The following RBMS3 variants were observed in gnomAD, a reference collection of about 807,000 sequenced individuals.
RBMS3 encodes RNA-binding motif, single-stranded-interacting protein 3.
A neutral mutation model predicts 66.8 loss-of-function variants in RBMS3; 27 were observed. The ratio of observed to expected loss-of-function variants is 0.40; its 90% CI spans 0.30 to 0.56. The LOEUF is 0.56. Ranked by LOEUF, RBMS3 falls within the 20% of genes least tolerant of loss-of-function variation. RBMS3 has a pLI of 0.40. For synonymous variants in RBMS3, 188 were observed against 183.0 expected, an observed-to-expected ratio of 1.03 and a Z score of -0.22; for missense variants, 513 against 549.5, an observed-to-expected ratio of 0.93 and a Z score of 0.66.
At chr3:29,932,818 CATG>C (rs1449837304) in intron 10 of RBMS3, among the ~76,000 whole-genome samples, 6 of 152,170 alleles carry the variant, frequency 3.9e-5, no homozygotes, top group Admixed American at 3.9e-4. Context: ...TTACGCCACA[CATG>C]ATGATCTTTG....
At chr3:29,740,046 A>T in intron 5 of RBMS3, 169 bp downstream of exon 5, 1 of 487,010 alleles carries the variant, frequency 2.1e-6, no homozygotes, top group East Asian at 3.3e-5. Context: ...GGAGCTAAAT[A>T]ATTTCAATGT....
chr3:29,901,699 A>G (rs2060256757), intron 10 of RBMS3, among the ~76,000 whole-genome samples: 1 of 151,830 alleles, frequency 6.6e-6, no homozygotes, highest in Non-Finnish European at 1.5e-5. Context: ...GCTACTACTC[A>G]GAGCTGATAT....
intron 4 of RBMS3, among the ~76,000 whole-genome samples, chr3:29,632,385 G>C (rs1025524724): frequency 6.6e-6 from 1 of 151,902 alleles, no homozygotes; most frequent in African/African-American, 2.4e-5. Context: ...AAAGGACTTA[G>C]TGTGTGCAAC....
chr3:29,617,612 T>C (rs1019544738), intron 4 of RBMS3, among the ~76,000 whole-genome samples: 2 of 152,174 alleles, frequency 1.3e-5, no homozygotes, highest in Non-Finnish European at 2.9e-5. Context: ...GGAACCTATA[T>C]ACACTTACAG....
chr3:29,548,539 A>T (rs2046061533), intron 3 of RBMS3, among the ~76,000 whole-genome samples: 1 of 152,010 alleles, frequency 6.6e-6, no homozygotes, highest in South Asian at 2.1e-4. Context: ...ATTAAACATA[A>T]AATACTTTTT....
intron 1 of RBMS3, among the ~76,000 whole-genome samples, chr3:29,380,687 C>T (rs920147666): frequency 2.0e-5 from 3 of 152,124 alleles, no homozygotes; most frequent in African/African-American, 4.8e-5. Flanking sequence ...GGCTCAAATC[C>T]CATAGTCAAA....
At position 29,471,497 on chromosome 3, in the gene RBMS3, A is replaced by G. The variant is rs75273030; in HGVS notation, c.249-16944A>G. 3.3e-5 allele frequency among the ~76,000 whole-genome samples: 5 copies of G among 152,300 alleles called. No homozygotes were observed. In the East Asian group the frequency reaches 5.8e-4, roughly 18 times the overall value. ...CAAGAGGCCACCTCTTGAGCAGAATATATTTCATTTTGTTGTTAGGTGAAT... is the reference window on the plus strand; with the variant it reads ...CAAGAGGCCACCTCTTGAGCAGAATGTATTTCATTTTGTTGTTAGGTGAAT... On this transcript the variant is annotated intron_variant, in intron 2 of 14. Coordinates refer to ENST00000383767, the MANE Select transcript of RBMS3 (RefSeq NM_001003793.3).
intron 12 of RBMS3, among the ~76,000 whole-genome samples, chr3:29,970,352 C>T (rs2149757703): frequency 1.3e-5 from 2 of 152,216 alleles, no homozygotes; most frequent in East Asian, 1.9e-4. Flanking sequence ...ATCTGTATTG[C>T]TTTTTCTTTT....
intron 1 of RBMS3, among the ~76,000 whole-genome samples, chr3:29,427,705 G>C (rs994971944): frequency 1.3e-5 from 2 of 152,290 alleles, no homozygotes; most frequent in African/African-American, 4.8e-5. Flanking sequence ...GATAAAAAGA[G>C]TACAAATTCT....
intron 4 of RBMS3, among the ~76,000 whole-genome samples, chr3:29,635,098 T>C (rs547914662): frequency 1.3e-5 from 2 of 152,050 alleles, no homozygotes; most frequent in South Asian, 4.1e-4. Flanking sequence ...ACTTCAGAGG[T>C]TTCTGCATTC....
At chr3:29,545,844 G>A (rs2045929268) in intron 3 of RBMS3, among the ~76,000 whole-genome samples, 2 of 152,156 alleles carry the variant, frequency 1.3e-5, no homozygotes, top group Admixed American at 6.5e-5. Context: ...CCTAGAGAAA[G>A]CTCAAAGGCT....
intron 1 of RBMS3, among the ~76,000 whole-genome samples, chr3:29,365,259 TA>T (rs2037832859): frequency 6.6e-6 from 1 of 152,132 alleles, no homozygotes; most frequent in African/African-American, 2.4e-5. Context: ...CAGAAAGCAA[TA>T]ACATAAATTT....
At position 29,480,491 on chromosome 3, in the gene RBMS3, G is replaced by C. The variant is rs113226724; in HGVS notation, c.249-7950G>C. 1.8e-3 allele frequency among the ~76,000 whole-genome samples: 276 copies of C among 152,176 alleles called. 2 individuals carry two copies. The highest frequency in any genetic ancestry group is 6.4e-3 in the African/African-American group (264 of 41,534). ...GGCAAGAAAAAAAGAACCAGATGAA[G>C]GTAATGCATGGATCCCAGGGAAAGG... On this transcript the variant is annotated intron_variant, in intron 2 of 14. Coordinates refer to ENST00000383767, the MANE Select transcript of RBMS3 (RefSeq NM_001003793.3).
In RBMS3 at chr3:29,340,957, AT is replaced by A. The variant is rs537231870; in HGVS notation, c.75+59206del. The stretch of plus-strand genomic sequence containing the variant: ...AAATTAATTTAAACTTAGTTTAATA[AT>A]TTTTAATATATTTGTCTGTTTTATT... On this transcript the variant is annotated intron_variant, in intron 1 of 14. Transcript: ENST00000383767. Among the ~76,000 whole-genome samples the A allele has an allele frequency of 1.9e-3, 285 of 152,168 alleles. 1 individual carries two copies. Among genetic ancestry groups the A allele is most frequent in the Middle Eastern group, 6.8e-3 (2 of 294 alleles).
chr3:29,285,364 A>C (rs1216354972), intron 1 of RBMS3, among the ~76,000 whole-genome samples: 3 of 152,038 alleles, frequency 2.0e-5, no homozygotes, highest in Non-Finnish European at 4.4e-5. Flanking sequence ...ATTTTTTTCC[A>C]GCCGAGAAAT....
At chr3:29,703,243 G>C (rs957235096) in intron 4 of RBMS3, among the ~76,000 whole-genome samples, 1 of 152,176 alleles carries the variant, frequency 6.6e-6, no homozygotes, top group African/African-American at 2.4e-5. Context: ...CTTCACTACG[G>C]AGCTGTACTG....
chr3:29,408,537 A>G (rs1465693589), intron 1 of RBMS3, among the ~76,000 whole-genome samples: 1 of 152,172 alleles, frequency 6.6e-6, no homozygotes, highest in African/African-American at 2.4e-5. Context: ...GTTACAGAAT[A>G]GACATTTGAT....
At chr3:29,528,108 ATTTT>A (rs66534941) in intron 3 of RBMS3, among the ~76,000 whole-genome samples, 3 of 108,158 alleles carry the variant, frequency 2.8e-5, no homozygotes, top group Non-Finnish European at 1.8e-5. Flanking sequence ...TGCAAGCAAG[ATTTT>A]TTTTTTTTTT....
At chr3:29,995,013 C>A (rs1189140459) in intron 14 of RBMS3, among the ~76,000 whole-genome samples, 1 of 151,532 alleles carries the variant, frequency 6.6e-6, no homozygotes, top group Non-Finnish European at 1.5e-5. Context: ...GCAAAGAAGT[C>A]AAAAACTTTG....
Sources: allele counts gnomAD v4.1 joint callset (sites outside exome capture counted in the v4.1 genomes callset), GRCh38; gene constraint gnomAD v4.1.1; transcripts MANE v1.5; gene names NCBI Gene and HGNC (gene_info 2026-07-23, HGNC 2026-07-21).